EFR3B: variants seen among roughly 807,000 people sequenced by gnomAD.
EFR3B encodes EFR3 homolog B.
EFR3B carries 64 observed loss-of-function variants against 104.7 expected under a neutral mutation model. That is an observed-to-expected ratio of 0.61 (90% confidence interval 0.50 to 0.75). EFR3B has a LOEUF of 0.75. Among genes scored for constraint, EFR3B ranks in the 30% least tolerant of loss-of-function variants. The pLI, the probability that EFR3B is intolerant of heterozygous loss-of-function variation, is 0.00. For synonymous variants in EFR3B, 385 were observed against 417.9 expected, an observed-to-expected ratio of 0.92 and a Z score of 0.96; for missense variants, 750 against 1,078.5, an observed-to-expected ratio of 0.70 and a Z score of 4.27.
intron 1 of EFR3B, among the ~76,000 whole-genome samples, chr2:25,082,850 G>A (rs1403707133): frequency 6.6e-6 from 1 of 152,120 alleles, no homozygotes; most frequent in East Asian, 1.9e-4. Context: ...AATAAACCAG[G>A]ACAGAAAATT....
intron 1 of EFR3B, among the ~76,000 whole-genome samples, chr2:25,088,167 G>T (rs1347324424): frequency 2.0e-5 from 3 of 152,112 alleles, no homozygotes; most frequent in African/African-American, 7.2e-5. Context: ...CCAATGGCAA[G>T]TCCCATGGAT....
chr2:25,088,382 G>A (rs912592940), intron 1 of EFR3B, among the ~76,000 whole-genome samples: 5 of 152,132 alleles, frequency 3.3e-5, no homozygotes, highest in African/African-American at 1.2e-4. Context: ...TCAGACCCAC[G>A]TGGGAAATCG....
At chr2:25,081,194 C>G (rs907143992) in intron 1 of EFR3B, 3 of 783,824 alleles carry the variant, frequency 3.8e-6, no homozygotes, top group Non-Finnish European at 6.6e-6. Context: ...TTTTCCCAAT[C>G]ATTTCTGAGG....
intron 5 of EFR3B, among the ~76,000 whole-genome samples, chr2:25,125,757 G>A (rs955789299): frequency 2.6e-5 from 4 of 152,174 alleles, no homozygotes; most frequent in East Asian, 1.9e-4. Flanking sequence ...GACCATCCTG[G>A]CTAACACGGT....
chr2:25,098,136 T>C (rs1407587774), intron 3 of EFR3B, among the ~76,000 whole-genome samples: 1 of 152,086 alleles, frequency 6.6e-6, no homozygotes, highest in East Asian at 1.9e-4. Flanking sequence ...CCTCCCTTCC[T>C]GAGCTGAGGT....
intron 5 of EFR3B, among the ~76,000 whole-genome samples, chr2:25,125,481 T>C (rs1170537165): frequency 6.6e-6 from 1 of 152,172 alleles, no homozygotes; most frequent in Non-Finnish European, 1.5e-5. Flanking sequence ...CTCAGGGTCT[T>C]GAATGTGGTC....
rs1346921099 is a variant in EFR3B, at chr2:25,155,165, T to C, written c.*825T>C. ...GGTCCCAAGGTGTTCCTGGAGCTTC[T>C]GGGTTGAGGAAAGGCAGAGCAAGAT... On this transcript the variant is annotated 3_prime_UTR_variant, in exon 23 of 23. Coordinates refer to ENST00000403714, the MANE Select transcript of EFR3B (RefSeq NM_014971.2). The C allele has an allele frequency of 1.3e-5, 2 of 152,218 alleles. No individual in the cohort carries two copies. The highest frequency in any genetic ancestry group is 2.9e-5 in the Non-Finnish European group (2 of 68,096). 9.4% of individuals were successfully genotyped at this position (152,218 alleles called of 1,614,324 possible). A position where few individuals can be genotyped will look rare whatever the true frequency, so the allele number is the denominator to read the frequency against.
In EFR3B at chr2:25,084,584, G is replaced by A. The variant is rs537597582; in HGVS notation, c.8-6741G>A. ...GTTTATTTTGCCAGGCTGAGGACGT[G>A]CCCGTGACACAGCCTCAGGAGGTCC... On this transcript the variant is annotated intron_variant, in intron 1 of 22. Coordinates refer to ENST00000403714, the MANE Select transcript of EFR3B (RefSeq NM_014971.2). 2.6e-5 allele frequency among the ~76,000 whole-genome samples: 4 copies of A among 152,268 alleles called. No individual in the cohort carries two copies. In the East Asian group the frequency reaches 7.7e-4, roughly 29 times the overall value.
intron 5 of EFR3B, among the ~76,000 whole-genome samples, chr2:25,123,905 A>C (rs1427348417): frequency 2.0e-5 from 3 of 152,248 alleles, no homozygotes; most frequent in Non-Finnish European, 2.9e-5. Flanking sequence ...CCTGAACATC[A>C]GGAGGAAGGC....
At chr2:25,127,783 C>T (rs961946061) in intron 5 of EFR3B, among the ~76,000 whole-genome samples, 12 of 152,184 alleles carry the variant, frequency 7.9e-5, no homozygotes, top group African/African-American at 2.7e-4. Context: ...CCTCTGGATC[C>T]GCCTCCCCCT....
At chr2:25,127,398 A>G (rs1381100537) in intron 5 of EFR3B, among the ~76,000 whole-genome samples, 1 of 152,140 alleles carries the variant, frequency 6.6e-6, no homozygotes, top group African/African-American at 2.4e-5. Context: ...ATTCTGTTAT[A>G]TATTATGCAC....
At chr2:25,102,306 G>T (rs1669449372) in intron 3 of EFR3B, among the ~76,000 whole-genome samples, 1 of 152,062 alleles carries the variant, frequency 6.6e-6, no homozygotes. Flanking sequence ...AGAGGATAGA[G>T]GTTATTAGGC....
At chr2:25,112,051 C>T (rs778865351) in intron 4 of EFR3B, among the ~76,000 whole-genome samples, 2 of 152,252 alleles carry the variant, frequency 1.3e-5, no homozygotes, top group Non-Finnish European at 2.9e-5. Flanking sequence ...TGTCTGTGGT[C>T]TCCTAGGCTC....
rs770082853 is a variant in EFR3B at position 25,137,488 on chromosome 2, G to A, written c.1708G>A (p.Val570Met). Reference sequence around the variant, plus strand: ...GGTGGTGGTGGACCTCATCCGTCTGGTGCTGGCTGTTCAGGTGGGGCCTGG... The same window carrying A: ...GGTGGTGGTGGACCTCATCCGTCTGATGCTGGCTGTTCAGGTGGGGCCTGG... ...EEVVVDLIRL[V>M]LAVQDVAQVN... The change falls in exon 15 of 23, where the codon GTG becomes ATG. Residue 570 changes from valine to methionine, a missense_variant. Coordinates refer to ENST00000403714, the MANE Select transcript of EFR3B (RefSeq NM_014971.2). This position sits in a 1 kb window ranked among gnomAD's most constrained non-coding sequence, Gnocchi z 4.7. The A allele has an allele frequency of 1.4e-4, 222 of 1,551,630 alleles. No individual in the cohort carries two copies. The highest frequency in any genetic ancestry group is 1.8e-4 in the Non-Finnish European group (210 of 1,147,010).
intron 4 of EFR3B, among the ~76,000 whole-genome samples, chr2:25,120,743 A>T (rs1210509226): frequency 6.6e-6 from 1 of 152,242 alleles, no homozygotes; most frequent in African/African-American, 2.4e-5. Flanking sequence ...GCTTCTCTGC[A>T]GGACTCAGTT....
At chr2:25,152,695 C>T (rs569030095) in intron 21 of EFR3B, among the ~76,000 whole-genome samples, 3 of 152,084 alleles carry the variant, frequency 2.0e-5, no homozygotes, top group South Asian at 4.2e-4. Context: ...TTATTAGCCC[C>T]GAATGTCAAG....
intron 4 of EFR3B, among the ~76,000 whole-genome samples, chr2:25,120,430 G>T (rs1476464738): frequency 1.3e-5 from 2 of 152,144 alleles, no homozygotes; most frequent in East Asian, 3.9e-4. Context: ...CGGATCACAA[G>T]GTCAAGAGAT....
chr2:25,045,373 T>A (rs911384005), intron 1 of EFR3B, among the ~76,000 whole-genome samples: 1 of 152,220 alleles, frequency 6.6e-6, no homozygotes, highest in Non-Finnish European at 1.5e-5. Context: ...GGGAATCCTA[T>A]GAAGGCAGAC....
chr2:25,129,379 G>C (rs779112214), intron 6 of EFR3B, among the ~76,000 whole-genome samples: 104 of 149,238 alleles, frequency 7.0e-4, no homozygotes, highest in Non-Finnish European at 1.3e-3. Flanking sequence ...GGGGTGGGGT[G>C]GGGTTCGTAT....
Sources: allele counts gnomAD v4.1 joint callset (sites outside exome capture counted in the v4.1 genomes callset), GRCh38; gene constraint gnomAD v4.1.1; non-coding constraint Gnocchi (gnomAD v3.1); transcripts MANE v1.5; gene names NCBI Gene and HGNC (gene_info 2026-07-23, HGNC 2026-07-21).